The following SBSPON variants were observed in gnomAD, a reference collection of about 807,000 sequenced individuals.
The protein encoded by SBSPON is somatomedin B and thrombospondin type 1 domain containing.
Under a neutral mutation model 35.8 loss-of-function variants are expected in SBSPON, and 30 were observed. That is an observed-to-expected ratio of 0.84 (90% CI 0.63 to 1.14). The LOEUF (loss-of-function observed/expected upper bound fraction) is 1.14, where lower values mean the gene tolerates loss of function less well. Among genes scored for constraint, SBSPON ranks in the 50% most tolerant of loss-of-function variants. SBSPON has a pLI of 0.00. For synonymous variants in SBSPON, 136 were observed against 135.9 expected, an observed-to-expected ratio of 1.00 and a Z score of 0.00; for missense variants, 364 against 357.7, an observed-to-expected ratio of 1.02 and a Z score of -0.14.
At chr8:73,092,642 G>T (rs1478884413) in intron 1 of SBSPON, among the ~76,000 whole-genome samples, 1 of 152,146 alleles carries the variant, frequency 6.6e-6, no homozygotes, top group East Asian at 1.9e-4. Context: ...TGTCTTGGGG[G>T]TGGGGGGACA....
intron 2 of SBSPON, among the ~76,000 whole-genome samples, chr8:73,079,655 C>T (rs988280887): frequency 6.6e-6 from 1 of 152,134 alleles, no homozygotes; most frequent in Non-Finnish European, 1.5e-5. Flanking sequence ...CCTCCTTCTC[C>T]CCCAAGACCG....
At chr8:73,067,794 GGCCTCCTGGCTCAC>G (rs1810421344) in intron 4 of SBSPON, among the ~76,000 whole-genome samples, 1 of 146,916 alleles carries the variant, frequency 6.8e-6, no homozygotes, top group African/African-American at 2.5e-5. Context: ...CTCCTGCCTC[GGCCTCCTGGCTCAC>G]GCTGGGATTA....
intron 3 of SBSPON, 38 bp downstream of exon 3, chr8:73,071,741 GA>G: frequency 8.1e-7 from 1 of 1,238,658 alleles, no homozygotes; most frequent in Non-Finnish European, 1.1e-6. Context: ...CTATACAATT[GA>G]AAAACATGAT....
chr8:73,067,245 G>T lies in SBSPON; in HGVS notation c.*96C>A, dbSNP rs1185489281. ...AGAGTGTGGCAATGATGTGTTTGGG[G>T]ACTTTGGCCAAAATTGAAGGTTTAG... On this transcript the variant is annotated 3_prime_UTR_variant, in exon 5 of 5. Transcript: ENST00000297354. The T allele has an allele frequency of 1.3e-6, 1 of 743,160 alleles. No homozygotes were observed. The allele number at this position is 743,160 out of a possible 1,614,324, so 46.0% of individuals were successfully genotyped here.
At position 73,093,060 on chromosome 8, in the gene SBSPON, G is replaced by T; in HGVS notation, c.8C>A (p.Thr3Asn). Residue 3 changes from threonine to asparagine, a missense_variant, in exon 1 of 5, where the codon ACC becomes AAC. Physicochemically the swap from Thr to Asn is moderately conservative, Grantham distance 65 (BLOSUM62 0). Transcript: ENST00000297354. ...CAGCGCGCACAGCGCCATCCACAGG[G>T]TCCTCATGGCCAGGGCTCCGGCGGC... MRTLWMALCALSR... is the reference protein window; with the variant it reads MRNLWMALCALSR... The T allele has an allele frequency of 1.5e-6, 2 of 1,357,762 alleles. No homozygotes were observed. The highest frequency in any genetic ancestry group is 4.1e-5 in the Admixed American group (1 of 24,134). 84.1% of individuals were successfully genotyped at this position (1,357,762 alleles called of 1,614,324 possible). A position where few individuals can be genotyped will look rare whatever the true frequency, so the allele number is the denominator to read the frequency against.
At position 73,065,433 on chromosome 8, in the gene SBSPON, A is replaced by G. The variant is rs1401301540; in HGVS notation, c.*1908T>C. ...TGGGTTATTTTCTAGTCAAACAAAT[A>G]TAGAGCTTTTATAAATGTGAACAAA... On this transcript the variant is annotated 3_prime_UTR_variant, in exon 5 of 5. Transcript: ENST00000297354. 1.3e-5 allele frequency: 2 copies of G among 152,220 alleles called. No individual in the cohort carries two copies. Among genetic ancestry groups the G allele is most frequent in the East Asian group, 3.9e-4 (2 of 5,190 alleles). The allele number at this position is 152,220 out of a possible 1,614,324, so 9.4% of individuals were successfully genotyped here.
At chr8:73,086,166 CT>C (rs932354888) in intron 1 of SBSPON, among the ~76,000 whole-genome samples, 95 of 146,378 alleles carry the variant, frequency 6.5e-4, no homozygotes, top group Admixed American at 3.4e-4. Context: ...TCTCCCTTTT[CT>C]TTTTTTTTTT....
intron 1 of SBSPON, among the ~76,000 whole-genome samples, chr8:73,081,820 G>A (rs1810710923): frequency 6.6e-6 from 1 of 152,092 alleles, no homozygotes; most frequent in Non-Finnish European, 1.5e-5. Flanking sequence ...ATGGCTTGTA[G>A]ACTCATGAAC....
intron 1 of SBSPON, among the ~76,000 whole-genome samples, chr8:73,082,944 G>T (rs1292672172): frequency 1.3e-5 from 2 of 152,198 alleles, no homozygotes; most frequent in African/African-American, 4.8e-5. Flanking sequence ...TTGTTTCAAA[G>T]ATTAACATTT....
chr8:73,072,194 G>A (rs190017042), intron 2 of SBSPON, among the ~76,000 whole-genome samples: 383 of 151,748 alleles, frequency 2.5e-3, no homozygotes, highest in Non-Finnish European at 4.1e-3. Context: ...GAAAAAGTGA[G>A]ATAATAGAGA....
rs765846472 is a variant in SBSPON, at chr8:73,067,316, C to T, written c.*25G>A. The T allele has an allele frequency of 7.3e-6, 9 of 1,232,332 alleles. No homozygotes were observed. Among genetic ancestry groups the T allele is most frequent in the Admixed American group, 3.4e-5 (2 of 59,122 alleles). The allele number at this position is 1,232,332 out of a possible 1,614,324, so 76.3% of individuals were successfully genotyped here. A position where few individuals can be genotyped will look rare whatever the true frequency, so the allele number is the denominator to read the frequency against. On this transcript the variant is annotated 3_prime_UTR_variant, in exon 5 of 5. Transcript: ENST00000297354. Reference sequence around the variant, plus strand: ...AGAATATTTAGAATGTTTACAAATGCATTTGGAAATATTTATATCACCATC... The same window carrying T: ...AGAATATTTAGAATGTTTACAAATGTATTTGGAAATATTTATATCACCATC...
chr8:73,066,010 T>C lies in SBSPON; in HGVS notation c.*1331A>G, dbSNP rs1810381823. The stretch of plus-strand genomic sequence containing the variant: ...AAAAATATTGCTACTCTCGGTGTTA[T>C]TAATTATTGGGGAAATCTCCATCCT... On this transcript the variant is annotated 3_prime_UTR_variant, in exon 5 of 5. Coordinates refer to ENST00000297354, the MANE Select transcript of SBSPON (RefSeq NM_153225.4). 6.6e-6 allele frequency: 1 copy of C among 152,156 alleles called. No individual in the cohort carries two copies. The highest frequency in any genetic ancestry group is 6.5e-5 in the Admixed American group (1 of 15,278). The allele number at this position is 152,156 out of a possible 1,614,324, so 9.4% of individuals were successfully genotyped here.
chr8:73,083,960 G>A (rs1022332517), intron 1 of SBSPON: 2 of 152,284 alleles, frequency 1.3e-5, no homozygotes, highest in African/African-American at 4.8e-5. Flanking sequence ...CCCAGAAGCA[G>A]CCTGTGAGAC....
At chr8:73,068,341 C>T (rs899976538) in intron 4 of SBSPON, among the ~76,000 whole-genome samples, 15 of 152,108 alleles carry the variant, frequency 9.9e-5, no homozygotes, top group African/African-American at 3.4e-4. Context: ...CCATGAGGCA[C>T]TAGTGACTAA....
intron 1 of SBSPON, among the ~76,000 whole-genome samples, chr8:73,090,558 G>A (rs1038466074): frequency 6.6e-6 from 1 of 152,166 alleles, no homozygotes; most frequent in Non-Finnish European, 1.5e-5. Flanking sequence ...CCCTCGGAGG[G>A]GCAGGCTCAG....
intron 2 of SBSPON, 114 bp from the exon 3 acceptor site, chr8:73,071,984 C>A: frequency 1.0e-5 from 7 of 685,544 alleles, no homozygotes; most frequent in Non-Finnish European, 1.9e-5. Flanking sequence ...CACAGGGCTA[C>A]GGCACACCAT....
At chr8:73,083,535 G>A (rs1810758207) in intron 1 of SBSPON, among the ~76,000 whole-genome samples, 2 of 152,248 alleles carry the variant, frequency 1.3e-5, no homozygotes, top group South Asian at 4.1e-4. Flanking sequence ...GTTAAGGGAA[G>A]TACGGAAACC....
Position 73,067,294 on chromosome 8 carries a change from A to C in SBSPON, c.*47T>G, listed in dbSNP as rs761506149. 8 of 1,134,754 alleles carry C rather than the reference A, an allele frequency of 7.0e-6. No homozygotes were observed. The highest frequency in any genetic ancestry group is 1.5e-5 in the African/African-American group (1 of 65,390). The allele number at this position is 1,134,754 out of a possible 1,614,324, so 70.3% of individuals were successfully genotyped here. A position where few individuals can be genotyped will look rare whatever the true frequency, so the allele number is the denominator to read the frequency against. On this transcript the variant is annotated 3_prime_UTR_variant, in exon 5 of 5. Coordinates refer to ENST00000297354, the MANE Select transcript of SBSPON (RefSeq NM_153225.4). Reference sequence around the variant, plus strand: ...AGGAAACATTGAACATGACTTGAGAATATTTAGAATGTTTACAAATGCATT... The same window carrying C: ...AGGAAACATTGAACATGACTTGAGACTATTTAGAATGTTTACAAATGCATT...
In SBSPON at chr8:73,066,749, C is replaced by T. The variant is rs997038143; in HGVS notation, c.*592G>A. The stretch of plus-strand genomic sequence containing the variant: ...TTAAGCAAAAAAAAAATTTCTTCTT[C>T]AAAAAATGTTTTTAGTATAACTTGG... On this transcript the variant is annotated 3_prime_UTR_variant, in exon 5 of 5. Transcript: ENST00000297354. 4.6e-5 allele frequency: 7 copies of T among 152,186 alleles called. No homozygotes were observed. The highest frequency in any genetic ancestry group is 1.4e-4 in the African/African-American group (6 of 41,528). The allele number at this position is 152,186 out of a possible 1,614,324, so 9.4% of individuals were successfully genotyped here. A position where few individuals can be genotyped will look rare whatever the true frequency, so the allele number is the denominator to read the frequency against.
Sources: allele counts gnomAD v4.1 joint callset (sites outside exome capture counted in the v4.1 genomes callset), GRCh38; gene constraint gnomAD v4.1.1; transcripts MANE v1.5; gene names NCBI Gene and HGNC (gene_info 2026-07-23, HGNC 2026-07-21).